AMER3: variants seen among roughly 807,000 people sequenced by gnomAD.
AMER3 encodes the protein APC membrane recruitment protein 3, also known as family with sequence similarity 123C.
For synonymous variants in AMER3, 541 were observed against 485.5 expected (o/e 1.11, Z -1.50); for missense variants, 1,201 against 1,139.4 (o/e 1.05, Z -0.78).
rs1299801569 is a variant in AMER3, at chr2:130,764,617, G to T, written c.2545G>T (p.Val849Leu). 2.5e-6 allele frequency: 4 copies of T among 1,608,490 alleles called. No homozygotes were observed. The highest frequency in any genetic ancestry group is 1.7e-5 in the Admixed American group (1 of 59,528). Reference protein sequence around the residue: ...REGLLCGQPEVGASGPAMAEP... With the variant: ...REGLLCGQPELGASGPAMAEP... ...GGGCCTCCTCTGTGGCCAGCCAGAA[G>T]TGGGGGCCTCTGGGCCAGCCATGGC... Residue 849 changes from valine (V) to leucine (L), a missense_variant, in exon 2 of 2, where the codon GTG (valine) becomes TTG (leucine). By Grantham distance (32) the Val-to-Leu change is conservative. Transcript: ENST00000321420.
chr2:130,761,005 G>A (rs1362365971), intron 1 of AMER3, among the ~76,000 whole-genome samples: 1 of 152,110 alleles, frequency 6.6e-6, no homozygotes, highest in Admixed American at 6.5e-5. Context: ...TACCCCTGCA[G>A]CCGCCATCTG....
chr2:130,767,008 A>G lies in AMER3; in HGVS notation c.*2350A>G, dbSNP rs1679001579. The G allele has an allele frequency of 1.2e-5, 2 of 166,836 alleles. No individual in the cohort carries two copies. The highest frequency in any genetic ancestry group is 2.4e-5 in the African/African-American group (1 of 41,332). 10.3% of individuals were successfully genotyped at this position (166,836 alleles called of 1,614,324 possible). The stretch of plus-strand genomic sequence containing the variant: ...TGCCTGCAAGTAACAAAGGCTTTTG[A>G]CTCCACTCCCTCCACGCTGTCAGAT... On this transcript the variant is annotated 3_prime_UTR_variant, in exon 2 of 2. Coordinates refer to ENST00000321420, the MANE Select transcript of AMER3 (RefSeq NM_152698.3).
intron 1 of AMER3, among the ~76,000 whole-genome samples, chr2:130,760,668 C>A (rs1678750101): frequency 6.6e-6 from 1 of 152,110 alleles, no homozygotes; most frequent in East Asian, 1.9e-4. Context: ...GAGACCCTGG[C>A]AGACAGAGGT....
rs745500661 is a variant in AMER3 at position 130,764,270 on chromosome 2, G to A, written c.2198G>A (p.Gly733Asp). The A allele has an allele frequency of 1.2e-6, 2 of 1,609,930 alleles. No individual in the cohort carries two copies. Among genetic ancestry groups the A allele is most frequent in the South Asian group, 2.2e-5 (2 of 90,536 alleles). Residue 733 changes from glycine (G) to aspartate (D), a missense_variant, in exon 2 of 2, where the codon GGC (glycine) becomes GAC (aspartate). Physicochemically the swap from Gly to Asp is moderately conservative, Grantham distance 94. Coordinates refer to ENST00000321420, the MANE Select transcript of AMER3 (RefSeq NM_152698.3). ...TCCCCCAGCATGACCACCATCCATG[G>A]CCTACCCTACTCAGCCAGCACACAG... is the stretch of plus-strand genomic sequence containing the variant. ...SSSPSMTTIHGLPYSASTQDQ... is the reference protein window; with the variant it reads ...SSSPSMTTIHDLPYSASTQDQ...
intron 1 of AMER3, among the ~76,000 whole-genome samples, chr2:130,757,929 A>T (rs566492888): frequency 2.6e-5 from 4 of 152,290 alleles, no homozygotes; most frequent in African/African-American, 9.6e-5. Context: ...TCAAGAGATC[A>T]AGACCATCCT....
intron 1 of AMER3, among the ~76,000 whole-genome samples, chr2:130,760,111 T>C (rs187489461): frequency 1.3e-5 from 2 of 152,336 alleles, no homozygotes; most frequent in East Asian, 3.9e-4. Flanking sequence ...CCAGTGTGGC[T>C]GCTCAGGGCA....
chr2:130,755,828 G>A (rs191788340), intron 1 of AMER3, 154 bp downstream of exon 1: 8 of 152,418 alleles, frequency 5.2e-5, no homozygotes, highest in African/African-American at 1.7e-4. Context: ...ACGAGGCTCC[G>A]GGTGGCCGAG....
chr2:130,756,854 G>A (rs535896213), intron 1 of AMER3, among the ~76,000 whole-genome samples: 6 of 134,894 alleles, frequency 4.4e-5, no homozygotes, highest in African/African-American at 1.6e-4. Context: ...CCTCCGCACA[G>A]TGGCCCTCAC....
intron 1 of AMER3, among the ~76,000 whole-genome samples, chr2:130,756,635 A>G (rs566736591): frequency 3.9e-5 from 6 of 152,156 alleles, no homozygotes; most frequent in Admixed American, 2.6e-4. Flanking sequence ...GGGAGAGCCA[A>G]TATCGCTGTG....
At chr2:130,758,550 C>T (rs1463711781) in intron 1 of AMER3, among the ~76,000 whole-genome samples, 4 of 152,226 alleles carry the variant, frequency 2.6e-5, no homozygotes, top group African/African-American at 9.7e-5. Flanking sequence ...TAGGTGTAAA[C>T]ATTTGACTAA....
rs763102634 is a variant in AMER3 at position 130,763,171 on chromosome 2, A to G, written c.1099A>G (p.Ile367Val). ...TCGCAGCGGCTCCAAAGCCAGCTCC[A>G]TCGACACAGGCACCCCCAAGAGCGA... ...DPRSGSKASS[I>V]DTGTPKSEQP... Residue 367 changes from isoleucine to valine, a missense_variant, in exon 2 of 2, where the codon ATC (isoleucine) becomes GTC (valine). Coordinates refer to ENST00000321420, the MANE Select transcript of AMER3 (RefSeq NM_152698.3). The G allele has an allele frequency of 2.5e-6, 4 of 1,613,568 alleles. No homozygotes were observed. The highest frequency in any genetic ancestry group is 3.4e-6 in the Non-Finnish European group (4 of 1,179,986).
At chr2:130,760,489 AG>A (rs1678743629) in intron 1 of AMER3, among the ~76,000 whole-genome samples, 1 of 152,196 alleles carries the variant, frequency 6.6e-6, no homozygotes, top group Non-Finnish European at 1.5e-5. Context: ...ATGGAGCCCC[AG>A]GTCATGTTCA....
Position 130,766,517 on chromosome 2 carries a change from G to A in AMER3, c.*1859G>A, listed in dbSNP as rs1160813675. Reference sequence around the variant, plus strand: ...TTTTTTTTTTTTTTTTTGAGACAGGGTCTCACTTTGTTGCCCAGGTGGGAA... The same window carrying A: ...TTTTTTTTTTTTTTTTTGAGACAGGATCTCACTTTGTTGCCCAGGTGGGAA... On this transcript the variant is annotated 3_prime_UTR_variant, in exon 2 of 2. Coordinates refer to ENST00000321420, the MANE Select transcript of AMER3 (RefSeq NM_152698.3). 1 of 145,274 alleles carries A rather than the reference G, an allele frequency of 6.9e-6. No individual in the cohort carries two copies. Among genetic ancestry groups the A allele is most frequent in the African/African-American group, 2.7e-5 (1 of 36,846 alleles). 9.0% of individuals were successfully genotyped at this position (145,274 alleles called of 1,614,324 possible). A position where few individuals can be genotyped will look rare whatever the true frequency, so the allele number is the denominator to read the frequency against.
chr2:130,764,315 G>C lies in AMER3; in HGVS notation c.2243G>C (p.Arg748Pro), dbSNP rs541638003. ...ASTQDQRCRD[R>P]VQDLSWLRVE... ...ACACAGGACCAGAGGTGTCGAGATC[G>C]TGTCCAGGACCTGAGCTGGCTCAGG... The change falls in exon 2 of 2, where the codon CGT becomes CCT. Residue 748 changes from arginine (R) to proline (P), a missense_variant. By Grantham distance (103) the Arg-to-Pro change is moderately radical. Transcript: ENST00000321420. 6 of 1,608,026 alleles carry C rather than the reference G, an allele frequency of 3.7e-6. 1 individual carries two copies. The Admixed American group carries it at 6.7e-5, about 18-fold the overall frequency.
intron 1 of AMER3, 48 bp downstream of exon 1, chr2:130,755,722 G>C (rs960615630): frequency 3.9e-5 from 6 of 152,404 alleles, no homozygotes; most frequent in African/African-American, 1.2e-4. Flanking sequence ...TAATAATAGA[G>C]TCAGGTCCCT....
In AMER3 at chr2:130,765,665, G is replaced by A. The variant is rs1446888196; in HGVS notation, c.*1007G>A. 1 of 167,064 alleles carries A rather than the reference G, an allele frequency of 6.0e-6. No homozygotes were observed. Among genetic ancestry groups the A allele is most frequent in the Non-Finnish European group, 1.5e-5 (1 of 68,132 alleles). The allele number at this position is 167,064 out of a possible 1,614,324, so 10.3% of individuals were successfully genotyped here. A position where few individuals can be genotyped will look rare whatever the true frequency, so the allele number is the denominator to read the frequency against. ...AGCCTCAGGACCCAGGAGGGCCATGGGTGTAAGTTCCAGAGTCCAAAGGCC... is the reference window on the plus strand; with the variant it reads ...AGCCTCAGGACCCAGGAGGGCCATGAGTGTAAGTTCCAGAGTCCAAAGGCC... On this transcript the variant is annotated 3_prime_UTR_variant, in exon 2 of 2. Coordinates refer to ENST00000321420, the MANE Select transcript of AMER3 (RefSeq NM_152698.3).
Position 130,762,235 on chromosome 2 carries a change from G to A in AMER3, c.163G>A (p.Ala55Thr), listed in dbSNP as rs1474687602. 16 of 1,578,368 alleles carry A rather than the reference G, an allele frequency of 1.0e-5. No individual in the cohort carries two copies. The highest frequency in any genetic ancestry group is 1.3e-5 in the African/African-American group (1 of 74,258). ...GCCCCACAGTGAGAAGGGCCCCCAA[G>A]CCAGCCCCAGTGCCCAAGAATACGA... ...QRPHSEKGPQ[A>T]SPSAQEYDRC... Residue 55 changes from alanine to threonine, a missense_variant, in exon 2 of 2, where the codon GCC (alanine) becomes ACC (threonine). Transcript: ENST00000321420.
chr2:130,756,134 C>T (rs1248395230), intron 1 of AMER3, among the ~76,000 whole-genome samples: 1 of 148,500 alleles, frequency 6.7e-6, no homozygotes, highest in Non-Finnish European at 1.5e-5. Context: ...GGCCGGCGCG[C>T]CCCCTCGCCA....
At chr2:130,761,172 T>C (rs1052451152) in intron 1 of AMER3, among the ~76,000 whole-genome samples, 4 of 152,194 alleles carry the variant, frequency 2.6e-5, no homozygotes, top group African/African-American at 9.6e-5. Context: ...GGAAGATGGC[T>C]GTAGCTCCCC....
Sources: gnomAD v4.1 joint callset for allele counts (sites outside exome capture counted in the v4.1 genomes callset) on GRCh38, gnomAD v4.1.1 for gene constraint, MANE v1.5 for transcripts, NCBI Gene and HGNC (gene_info 2026-07-23, HGNC 2026-07-21) for gene names.